The following CACNA2D3 variants were observed in gnomAD, a reference collection of about 807,000 sequenced individuals.
CACNA2D3 encodes voltage-dependent calcium channel subunit alpha-2/delta-3.
A neutral mutation model predicts 160.6 loss-of-function variants in CACNA2D3; 60 were observed. The ratio of observed to expected loss-of-function variants is 0.37; its 90% CI spans 0.30 to 0.46. CACNA2D3 has a LOEUF of 0.46. CACNA2D3 is among the 20% of genes least tolerant of loss of function. The pLI is 1.00. For missense variants in CACNA2D3, 1,205 were observed against 1,365.0 expected (o/e 0.88, Z 1.85); for synonymous variants, 558 against 492.9 (o/e 1.13, Z -1.75).
intron 5 of CACNA2D3, among the ~76,000 whole-genome samples, chr3:54,554,251 T>C (rs1702204800): frequency 6.6e-6 from 1 of 152,200 alleles, no homozygotes; most frequent in Non-Finnish European, 1.5e-5. Flanking sequence ...CTTATCCCAG[T>C]TTATTTTCAT....
intron 27 of CACNA2D3, among the ~76,000 whole-genome samples, chr3:54,954,695 C>T (rs952428454): frequency 2.0e-5 from 3 of 152,144 alleles, no homozygotes; most frequent in African/African-American, 7.2e-5. Context: ...TGAGATTCCC[C>T]AGGCCTCAGC....
chr3:54,947,261 C>G (rs575169818), intron 27 of CACNA2D3, among the ~76,000 whole-genome samples: 3 of 152,232 alleles, frequency 2.0e-5, no homozygotes, highest in African/African-American at 7.2e-5. Context: ...CACCTTTACT[C>G]TATGCTGCCT....
At chr3:54,198,245 C>A (rs1701116776) in intron 2 of CACNA2D3, among the ~76,000 whole-genome samples, 1 of 152,214 alleles carries the variant, frequency 6.6e-6, no homozygotes, top group Non-Finnish European at 1.5e-5. Context: ...CTCTGCCTAT[C>A]TGAGGACAAG....
intron 2 of CACNA2D3, among the ~76,000 whole-genome samples, chr3:54,178,925 A>G (rs1049119297): frequency 5.9e-5 from 9 of 152,176 alleles, no homozygotes; most frequent in African/African-American, 2.2e-4. Flanking sequence ...GGAAGGCACT[A>G]TAGGTGACAG....
chr3:54,429,943 A>G (rs1699964942), intron 4 of CACNA2D3, among the ~76,000 whole-genome samples: 2 of 152,336 alleles, frequency 1.3e-5, no homozygotes, highest in Non-Finnish European at 2.9e-5. Flanking sequence ...AAAAGGCTCT[A>G]ATTCCCTGAT....
chr3:54,507,504 G>A (rs1177524103), intron 5 of CACNA2D3, among the ~76,000 whole-genome samples: 2 of 152,168 alleles, frequency 1.3e-5, no homozygotes, highest in Non-Finnish European at 2.9e-5. Context: ...TTACAGATGA[G>A]TTTTTCCCAG....
intron 14 of CACNA2D3, among the ~76,000 whole-genome samples, chr3:54,818,230 C>T (rs540176141): frequency 9.8e-5 from 15 of 152,288 alleles, no homozygotes; most frequent in Non-Finnish European, 1.8e-4. Context: ...CACTATGTCA[C>T]CCAGGCTGGA....
At chr3:54,645,152 G>A (rs56041093) in intron 11 of CACNA2D3, among the ~76,000 whole-genome samples, 10,816 of 152,274 alleles carry the variant, frequency 0.071, 577 homozygotes, top group African/African-American at 0.15. Context: ...AATCATGGCA[G>A]AAGGGGAAGC....
intron 26 of CACNA2D3, among the ~76,000 whole-genome samples, chr3:54,897,974 G>T (rs1313722607): frequency 1.3e-5 from 2 of 152,060 alleles, no homozygotes; most frequent in Non-Finnish European, 2.9e-5. Context: ...GGTTCTTTGG[G>T]TCTGTGCTCC....
intron 4 of CACNA2D3, among the ~76,000 whole-genome samples, chr3:54,491,794 T>C (rs1013934633): frequency 1.3e-5 from 2 of 152,152 alleles, no homozygotes; most frequent in African/African-American, 4.8e-5. Flanking sequence ...ACCTAAAATA[T>C]TTACTATCTG....
chr3:54,676,410 A>G (rs985954691), intron 11 of CACNA2D3, among the ~76,000 whole-genome samples: 43 of 151,422 alleles, frequency 2.8e-4, no homozygotes, highest in Non-Finnish European at 6.0e-4. Flanking sequence ...TCTCGGTAAG[A>G]CCTCTGTAGG....
chr3:55,071,691 C>T (rs567367300), intron 35 of CACNA2D3, among the ~76,000 whole-genome samples: 4 of 152,118 alleles, frequency 2.6e-5, no homozygotes, highest in Admixed American at 2.0e-4. Flanking sequence ...AAGTTTTTTA[C>T]TCATGTTTCA....
At chr3:54,578,229 T>C (rs1559517595) in intron 8 of CACNA2D3, among the ~76,000 whole-genome samples, 1 of 152,216 alleles carries the variant, frequency 6.6e-6, no homozygotes, top group Admixed American at 6.5e-5. Flanking sequence ...ATGATGTACA[T>C]TGTATCCTTT....
chr3:54,300,093 A>G (rs1310973171), intron 2 of CACNA2D3, among the ~76,000 whole-genome samples: 1 of 152,266 alleles, frequency 6.6e-6, no homozygotes, highest in East Asian at 1.9e-4. Context: ...ATGGGACCAG[A>G]AGATAAAATC....
chr3:55,035,157 T>C (rs909285226), intron 35 of CACNA2D3, among the ~76,000 whole-genome samples: 2 of 152,204 alleles, frequency 1.3e-5, no homozygotes, highest in African/African-American at 2.4e-5. Context: ...GAAGCCTGTT[T>C]GTAATTTAAA....
chr3:54,497,832 C>G (rs902788442), intron 4 of CACNA2D3, among the ~76,000 whole-genome samples: 2 of 151,822 alleles, frequency 1.3e-5, no homozygotes, highest in Non-Finnish European at 2.9e-5. Flanking sequence ...CTATCACATG[C>G]TTTTTCTTTA....
chr3:54,861,178 C>T (rs1041149760), intron 17 of CACNA2D3, among the ~76,000 whole-genome samples: 1 of 152,030 alleles, frequency 6.6e-6, no homozygotes, highest in Non-Finnish European at 1.5e-5. Flanking sequence ...GAGATAGGGC[C>T]ATGGGAGGCT....
intron 10 of CACNA2D3, among the ~76,000 whole-genome samples, chr3:54,630,702 A>G (rs2106822012): frequency 6.6e-6 from 1 of 152,296 alleles, no homozygotes; most frequent in Admixed American, 6.5e-5. Flanking sequence ...GTGTATTCAC[A>G]CTTTCACAGG....
chr3:54,577,152 T>TATGAAATGAAAAA (rs1253220687), intron 8 of CACNA2D3, among the ~76,000 whole-genome samples: 3 of 152,248 alleles, frequency 2.0e-5, no homozygotes, highest in Non-Finnish European at 4.4e-5. Flanking sequence ...ATTGTCACTC[T>TATGAAATGAAAAA]ACAATGATGG....
Sources: allele counts gnomAD v4.1 joint callset (sites outside exome capture counted in the v4.1 genomes callset), GRCh38; gene constraint gnomAD v4.1.1; transcripts MANE v1.5; gene names NCBI Gene and HGNC (gene_info 2026-07-23, HGNC 2026-07-21).